EVC2: variants seen among roughly 807,000 people sequenced by gnomAD.
EVC2 encodes limbin.
A neutral mutation model predicts 149.3 loss-of-function variants in EVC2; 148 were observed. The observed-to-expected ratio is 0.99, with a 90% CI of 0.87 to 1.14. The LOEUF (loss-of-function observed/expected upper bound fraction) is 1.14. Among genes scored for constraint, EVC2 ranks in the 50% most tolerant of loss-of-function variants. EVC2 has a pLI of 0.00. For synonymous variants in EVC2, 776 were observed against 649.9 expected (o/e 1.19, Z -2.95); for missense variants, 1,854 against 1,627.3 (o/e 1.14, Z -2.40).
chr4:5,633,107 G>A lies in EVC2; in HGVS notation c.1471-1075C>T, dbSNP rs1331016176. Among the ~76,000 whole-genome samples the A allele has an allele frequency of 6.6e-6, 1 of 152,208 alleles. No individual in the cohort carries two copies. The highest frequency in any genetic ancestry group is 1.5e-5 in the Non-Finnish European group (1 of 68,042). On this transcript the variant is annotated intron_variant, in intron 10 of 21. Transcript: ENST00000344408. The surrounding 1 kb of genome is among the most constrained non-coding windows in gnomAD (Gnocchi z 4.4). ...AAGCATTGGAGCCTTCCTAAAGAGA[G>A]AGACCCTCTCCTGCTGGCTTTGAAG...
At chr4:5,538,829 AG>A (rs1721463962), downstream of EVC2, among the ~76,000 whole-genome samples, 1 of 152,164 alleles carries the variant, frequency 6.6e-6, no homozygotes, top group Non-Finnish European at 1.5e-5. Flanking sequence ...CATACAGTAA[AG>A]GTTATCCACG....
downstream of EVC2, among the ~76,000 whole-genome samples, chr4:5,558,760 C>T (rs532053613): frequency 1.3e-5 from 2 of 152,276 alleles, no homozygotes; most frequent in African/African-American, 4.8e-5. Context: ...CACATAAGTA[C>T]TCTACTCTAC....
chr4:5,640,350 T>TTGGATGAA lies in EVC2; in HGVS notation c.1470+156_1470+163dup, dbSNP rs1717229211. 6.6e-6 allele frequency among the ~76,000 whole-genome samples: 1 copy of TTGGATGAA among 151,562 alleles called. No homozygotes were observed. Among genetic ancestry groups the TTGGATGAA allele is most frequent in the African/African-American group, 2.4e-5 (1 of 41,228 alleles). ...GATGATGGATGGACGGTGGGAATGG[T>TTGGATGAA]TGGATGAATGAATGGAAGGATGAAT... On this transcript the variant is annotated intron_variant, in intron 10 of 21. Transcript: ENST00000344408. This position sits in a 1 kb window ranked among gnomAD's most constrained non-coding sequence, Gnocchi z 4.6.
intron 14 of EVC2, among the ~76,000 whole-genome samples, chr4:5,621,822 C>T (rs1715708393): frequency 6.6e-6 from 1 of 152,096 alleles, no homozygotes; most frequent in Admixed American, 6.5e-5. Flanking sequence ...CCAGCCTGGG[C>T]AACAGGGTGA....
chr4:5,650,638 T>TATAG (rs1162935817), intron 9 of EVC2, among the ~76,000 whole-genome samples: 53 of 45,092 alleles, frequency 1.2e-3, no homozygotes, highest in South Asian at 2.1e-3. Flanking sequence ...TATATATATA[T>TATAG]AGAGAGAGAG....
chr4:5,588,407 G>C lies in EVC2; in HGVS notation c.2830-3557C>G, dbSNP rs181512600. ...GTTTCTTATGCTTGGGATACACTGA[G>C]CTTCTTAAATCTGTGAGTTTATAGT... On this transcript the variant is annotated intron_variant, in intron 16 of 21. Coordinates refer to ENST00000344408, the MANE Select transcript of EVC2 (RefSeq NM_147127.5). Among the ~76,000 whole-genome samples, 30 of 152,230 alleles carry C rather than the reference G, an allele frequency of 2.0e-4. No homozygotes were observed. The East Asian group carries it at 4.5e-3, about 23-fold the overall frequency.
intron 17 of EVC2, among the ~76,000 whole-genome samples, chr4:5,583,451 T>A (rs1362770998): frequency 2.0e-5 from 3 of 152,230 alleles, no homozygotes; most frequent in Non-Finnish European, 4.4e-5. Flanking sequence ...ACTTTGGCAA[T>A]GCTCATCTAC....
At chr4:5,563,955 CCT>C (rs1237050641) in intron 21 of EVC2, among the ~76,000 whole-genome samples, 3 of 152,080 alleles carry the variant, frequency 2.0e-5, no homozygotes, top group Admixed American at 1.3e-4. Context: ...CAGTCCAACC[CCT>C]GACTCCCAGG....
At chr4:5,707,295 G>C (rs2151749018) in intron 1 of EVC2, among the ~76,000 whole-genome samples, 1 of 152,300 alleles carries the variant, frequency 6.6e-6, no homozygotes, top group Middle Eastern at 3.4e-3. Context: ...CAGAAAGGGA[G>C]CAGGGTCTCT....
At chr4:5,675,953 C>A (rs1719958350) in intron 7 of EVC2, among the ~76,000 whole-genome samples, 1 of 152,162 alleles carries the variant, frequency 6.6e-6, no homozygotes, top group African/African-American at 2.4e-5. Flanking sequence ...TTAAGAACAA[C>A]AAAAACAAAA....
chr4:5,572,291 A>G (rs1000355201), intron 19 of EVC2, among the ~76,000 whole-genome samples: 3 of 152,218 alleles, frequency 2.0e-5, no homozygotes, highest in Non-Finnish European at 4.4e-5. Context: ...GCAGAGTGCT[A>G]TTGTTTGAAC....
At chr4:5,634,400 A>G (rs535740945) in intron 10 of EVC2, among the ~76,000 whole-genome samples, 5 of 152,322 alleles carry the variant, frequency 3.3e-5, no homozygotes, top group Admixed American at 3.3e-4. Flanking sequence ...CATCCATCAA[A>G]GCGACCTTCT....
In EVC2 at chr4:5,643,137, G is replaced by A. The variant is rs145060580; in HGVS notation, c.1146-2299C>T. 3.3e-5 allele frequency among the ~76,000 whole-genome samples: 5 copies of A among 152,290 alleles called. No individual in the cohort carries two copies. In the East Asian group the frequency reaches 9.7e-4, roughly 29 times the overall value. On this transcript the variant is annotated intron_variant, in intron 9 of 21. Coordinates refer to ENST00000344408, the MANE Select transcript of EVC2 (RefSeq NM_147127.5). ...AAAATATACTACCCCAAAATGTGGT[G>A]TTCTGGCATACTGACTATTTTCAGT...
intron 19 of EVC2, among the ~76,000 whole-genome samples, chr4:5,570,713 G>A (rs986974184): frequency 1.3e-5 from 2 of 152,136 alleles, no homozygotes; most frequent in African/African-American, 4.8e-5. Flanking sequence ...ATAGCAGCAC[G>A]ATTCACAACT....
Position 5,622,603 on chromosome 4 carries a change from T to C in EVC2, c.2435A>G (p.Asp812Gly). 6.2e-7 allele frequency: 1 copy of C among 1,613,972 alleles called. No homozygotes were observed. Among genetic ancestry groups the C allele is most frequent in the Non-Finnish European group, 8.5e-7 (1 of 1,179,990 alleles). ...GVQSVRQRLK[D>G]DAPEAVTEEQ... Reference sequence around the variant, plus strand: ...CTCTGTCACGGCCTCAGGAGCGTCATCCTTCAGTCTCTGCCTCACGCTCTG... The same window carrying C: ...CTCTGTCACGGCCTCAGGAGCGTCACCCTTCAGTCTCTGCCTCACGCTCTG... Residue 812 changes from aspartate (D) to glycine (G), a missense_variant, in exon 14 of 22, where the codon GAT becomes GGT. Transcript: ENST00000344408. This position sits in a 1 kb window ranked among gnomAD's most constrained non-coding sequence, Gnocchi z 5.8.
chr4:5,640,580 G>A lies in EVC2; in HGVS notation c.1404C>T (p.Asn468=). 1 of 1,614,066 alleles carries A rather than the reference G, an allele frequency of 6.2e-7. No individual in the cohort carries two copies. Among genetic ancestry groups the A allele is most frequent in the East Asian group, 2.2e-5 (1 of 44,878 alleles). Residue 468 remains asparagine (N), a synonymous_variant, in exon 10 of 22, where the codon AAC becomes AAT. Transcript: ENST00000344408. The surrounding 1 kb of genome is among the most constrained non-coding windows in gnomAD (Gnocchi z 4.6). ...TTGCCATCATCTCTCTCTGGTACTG[G>A]TTTTCCATCTTCTTTCTTGTTTCCA... The part of the protein sequence containing the change: ...CDLETRKKME[N]QYQREMMAME...
chr4:5,636,775 C>T lies in EVC2; in HGVS notation c.1470+3739G>A, dbSNP rs1297902399. 6.6e-6 allele frequency among the ~76,000 whole-genome samples: 1 copy of T among 151,996 alleles called. No individual in the cohort carries two copies. The highest frequency in any genetic ancestry group is 1.5e-5 in the Non-Finnish European group (1 of 68,000). ...CTCCTTTTGCTTTTCTTTTTTAAAACTAATTCTTGGTGGAATAATACATCC... is the reference window on the plus strand; with the variant it reads ...CTCCTTTTGCTTTTCTTTTTTAAAATTAATTCTTGGTGGAATAATACATCC... On this transcript the variant is annotated intron_variant, in intron 10 of 21. Coordinates refer to ENST00000344408, the MANE Select transcript of EVC2 (RefSeq NM_147127.5). The surrounding 1 kb of genome is among the most constrained non-coding windows in gnomAD (Gnocchi z 4.6).
intron 16 of EVC2, among the ~76,000 whole-genome samples, chr4:5,594,279 G>T (rs1410281073): frequency 4.6e-5 from 7 of 152,206 alleles, no homozygotes; most frequent in Admixed American, 3.3e-4. Context: ...TCAAGTGGGT[G>T]CCTGACCCCT....
chr4:5,695,172 AC>A (rs1397565874), intron 2 of EVC2, among the ~76,000 whole-genome samples: 1 of 151,882 alleles, frequency 6.6e-6, no homozygotes, highest in African/African-American at 2.4e-5. Context: ...ACATGGTGAA[AC>A]CCCGTCTCTA....
Sources: gnomAD v4.1 joint callset for allele counts (sites outside exome capture counted in the v4.1 genomes callset) on GRCh38, gnomAD v4.1.1 for gene constraint, Gnocchi (gnomAD v3.1) non-coding constraint, MANE v1.5 for transcripts, NCBI Gene and HGNC (gene_info 2026-07-23, HGNC 2026-07-21) for gene names.